The following DEPTOR variants were observed in gnomAD, a reference collection of about 807,000 sequenced individuals.
The protein encoded by DEPTOR is DEP domain containing MTOR interacting protein, also known as DEP domain-containing mTOR-interacting protein.
DEPTOR carries 41 observed loss-of-function variants against 41.6 expected under a neutral mutation model. That is an observed-to-expected ratio of 0.98 (90% confidence interval 0.77 to 1.28). DEPTOR has a LOEUF of 1.28. Ranked by LOEUF, DEPTOR falls within the 50% of genes most tolerant of loss-of-function variation. DEPTOR has a pLI of 0.00. For synonymous variants in DEPTOR, 195 were observed against 192.3 expected (o/e 1.01, Z -0.12); for missense variants, 514 against 527.9 (o/e 0.97, Z 0.26).
intron 8 of DEPTOR, among the ~76,000 whole-genome samples, chr8:120,041,260 A>G (rs1813065009): frequency 6.6e-6 from 1 of 152,208 alleles, no homozygotes; most frequent in Non-Finnish European, 1.5e-5. Context: ...GGATGAAACA[A>G]TTGAATCATT....
intron 8 of DEPTOR, among the ~76,000 whole-genome samples, chr8:120,040,664 C>T (rs1369115932): frequency 8.4e-6 from 1 of 118,572 alleles, no homozygotes; most frequent in African/African-American, 3.9e-5. Context: ...CAAATGTTAA[C>T]CAAAAATGCA....
chr8:119,995,233 C>G (rs551680941), intron 4 of DEPTOR, among the ~76,000 whole-genome samples: 1 of 152,194 alleles, frequency 6.6e-6, no homozygotes, highest in East Asian at 1.9e-4. Context: ...TGTGGCAGAG[C>G]TAGGATTGAA....
chr8:119,934,959 T>G (rs1400230443), intron 3 of DEPTOR, among the ~76,000 whole-genome samples: 1 of 152,190 alleles, frequency 6.6e-6, no homozygotes, highest in Non-Finnish European at 1.5e-5. Flanking sequence ...TATGAGTGTA[T>G]GCTATTGCTC....
At chr8:119,905,000 G>A (rs534438008) in intron 1 of DEPTOR, among the ~76,000 whole-genome samples, 117 of 121,588 alleles carry the variant, frequency 9.6e-4, no homozygotes, top group Non-Finnish European at 1.5e-3. Flanking sequence ...TAGAGACAGA[G>A]TCTCACTATG....
At chr8:119,980,367 G>A (rs1828746784) in intron 4 of DEPTOR, among the ~76,000 whole-genome samples, 1 of 152,116 alleles carries the variant, frequency 6.6e-6, no homozygotes, top group Non-Finnish European at 1.5e-5. Context: ...GCTAGTGGCT[G>A]CCATCTTGGA....
intron 1 of DEPTOR, among the ~76,000 whole-genome samples, chr8:119,888,118 G>C (rs537347793): frequency 2.0e-5 from 3 of 151,740 alleles, no homozygotes; most frequent in Non-Finnish European, 4.4e-5. Context: ...ACTGTACTGG[G>C]CCTCAGTTAT....
chr8:120,002,429 C>T (rs1448693213), intron 5 of DEPTOR, among the ~76,000 whole-genome samples: 2 of 152,086 alleles, frequency 1.3e-5, no homozygotes, highest in African/African-American at 2.4e-5. Flanking sequence ...TGAACCACTG[C>T]GCCCGGCCTT....
chr8:120,008,335 C>G (rs1365508346), intron 7 of DEPTOR, among the ~76,000 whole-genome samples: 1 of 151,922 alleles, frequency 6.6e-6, no homozygotes, highest in Non-Finnish European at 1.5e-5. Flanking sequence ...CGAGACCAGC[C>G]TGACCATCAT....
At chr8:120,018,506 G>C (rs1812646244) in intron 8 of DEPTOR, among the ~76,000 whole-genome samples, 1 of 152,182 alleles carries the variant, frequency 6.6e-6, no homozygotes, top group Admixed American at 6.5e-5. Flanking sequence ...TTGAACCCGG[G>C]AGGTGGAGGT....
chr8:119,992,196 T>C (rs548016779), intron 4 of DEPTOR, among the ~76,000 whole-genome samples: 1 of 152,302 alleles, frequency 6.6e-6, no homozygotes, highest in East Asian at 1.9e-4. Context: ...TAGAGTGCCA[T>C]CCTTGGTGAC....
chr8:119,904,706 GC>G (rs1827639541), intron 1 of DEPTOR, among the ~76,000 whole-genome samples: 1 of 151,626 alleles, frequency 6.6e-6, no homozygotes, highest in Non-Finnish European at 1.5e-5. Context: ...ATGTTAGCCA[GC>G]CTGGTCTCGA....
intron 8 of DEPTOR, among the ~76,000 whole-genome samples, chr8:120,018,755 A>G (rs543378876): frequency 6.6e-6 from 1 of 152,298 alleles, no homozygotes; most frequent in South Asian, 2.1e-4. Context: ...TGGGAGGAGC[A>G]AGATGACCAC....
chr8:119,957,762 T>C (rs62528693), intron 3 of DEPTOR, among the ~76,000 whole-genome samples: 256 of 152,252 alleles, frequency 1.7e-3, no homozygotes, highest in Non-Finnish European at 2.6e-3. Flanking sequence ...CTAATTTTTG[T>C]ATTTTTAGTA....
chr8:119,943,906 T>C (rs932547958), intron 3 of DEPTOR, among the ~76,000 whole-genome samples: 30 of 152,136 alleles, frequency 2.0e-4, no homozygotes, highest in Non-Finnish European at 3.5e-4. Context: ...GGCTCAATCT[T>C]GGCTCACTGC....
At chr8:119,985,826 C>CTTTTTTTT (rs999602227) in intron 4 of DEPTOR, among the ~76,000 whole-genome samples, 8 of 41,632 alleles carry the variant, frequency 1.9e-4, no homozygotes, top group African/African-American at 5.6e-4. Flanking sequence ...AACCCCTGCT[C>CTTTTTTTT]TTTTTTTTTT....
chr8:119,900,485 C>G (rs1586605742), intron 1 of DEPTOR, among the ~76,000 whole-genome samples: 1 of 139,978 alleles, frequency 7.1e-6, no homozygotes, highest in Admixed American at 7.8e-5. Context: ...CCCCTGAGCT[C>G]AAGTGATCCT....
rs552228110 is a variant in DEPTOR at position 120,019,049 on chromosome 8, A to G, written c.1101+9916A>G. Among the ~76,000 whole-genome samples the G allele has an allele frequency of 5.3e-5, 8 of 152,302 alleles. 1 individual carries two copies. The South Asian group carries it at 1.2e-3, about 24-fold the overall frequency. On this transcript the variant is annotated intron_variant, in intron 8 of 8. Transcript: ENST00000286234. ...GCCAGCTGTGGTGGCTCACACCTGT[A>G]ATTTCAGCACTTTGGGAGACTGAGG...
chr8:119,962,822 G>C (rs1175368433), intron 3 of DEPTOR, among the ~76,000 whole-genome samples: 1 of 152,138 alleles, frequency 6.6e-6, no homozygotes, highest in Non-Finnish European at 1.5e-5. Flanking sequence ...TGCCTGAGAT[G>C]GGAAGGCTTA....
At chr8:119,924,224 G>A (rs899175145) in intron 1 of DEPTOR, among the ~76,000 whole-genome samples, 3 of 152,140 alleles carry the variant, frequency 2.0e-5, no homozygotes, top group Admixed American at 6.6e-5. Context: ...AGTCAGAGAT[G>A]GATCCCACTG....
Sources: allele counts gnomAD v4.1 joint callset (sites outside exome capture counted in the v4.1 genomes callset), GRCh38; gene constraint gnomAD v4.1.1; transcripts MANE v1.5; gene names NCBI Gene and HGNC (gene_info 2026-07-23, HGNC 2026-07-21).